Variants in RIT2 observed in about 807,000 individuals in gnomAD.
RIT2 encodes Ras like without CAAX 2.
RIT2 carries 24 observed loss-of-function variants against 23.7 expected under a neutral mutation model. That is an observed-to-expected ratio of 1.01 (90% CI 0.73 to 1.43). The LOEUF is 1.43. RIT2 is among the 40% of genes most tolerant of loss of function. The pLI is 0.00. For missense variants in RIT2, 236 were observed against 266.9 expected (o/e 0.88, Z 0.81); for synonymous variants, 107 against 91.1 (o/e 1.17, Z -0.99).
At chr18:42,789,331 T>C (rs1913990781) in intron 4 of RIT2, among the ~76,000 whole-genome samples, 1 of 152,194 alleles carries the variant, frequency 6.6e-6, no homozygotes, top group Non-Finnish European at 1.5e-5. Context: ...GAATCACTGG[T>C]CTAAGGTTAT....
intron 4 of RIT2, among the ~76,000 whole-genome samples, chr18:42,750,433 T>G (rs1913019193): frequency 6.6e-6 from 1 of 151,854 alleles, no homozygotes; most frequent in African/African-American, 2.4e-5. Context: ...CTGCTTTATA[T>G]GAAACTGCAA....
intron 4 of RIT2, among the ~76,000 whole-genome samples, chr18:42,846,920 A>T (rs748489995): frequency 2.1e-4 from 32 of 152,232 alleles, no homozygotes; most frequent in Non-Finnish European, 3.5e-4. Flanking sequence ...GAGTGTTAGA[A>T]CACTTGGTAT....
At chr18:42,813,972 G>C (rs1015762233) in intron 4 of RIT2, among the ~76,000 whole-genome samples, 18 of 152,208 alleles carry the variant, frequency 1.2e-4, no homozygotes, top group African/African-American at 4.3e-4. Context: ...TGAAGGTCTA[G>C]ATTATGGGAG....
At chr18:43,108,766 G>T (rs1035839831) in intron 1 of RIT2, among the ~76,000 whole-genome samples, 1 of 152,126 alleles carries the variant, frequency 6.6e-6, no homozygotes, top group African/African-American at 2.4e-5. Flanking sequence ...AGACCTCTTG[G>T]CTAATGCTTC....
intron 3 of RIT2, among the ~76,000 whole-genome samples, chr18:42,954,342 C>G (rs534919170): frequency 2.8e-4 from 41 of 146,876 alleles, no homozygotes; most frequent in African/African-American, 1.0e-3. Context: ...CTCCATTGCA[C>G]TCCAGCCTAG....
intron 1 of RIT2, among the ~76,000 whole-genome samples, chr18:43,046,774 C>T (rs1057396644): frequency 7.2e-5 from 11 of 152,150 alleles, no homozygotes; most frequent in Non-Finnish European, 1.3e-4. Context: ...ACCAAAACAA[C>T]ATACTTTAGT....
chr18:43,067,837 A>G (rs973430068), intron 1 of RIT2, among the ~76,000 whole-genome samples: 3 of 152,138 alleles, frequency 2.0e-5, no homozygotes, highest in Admixed American at 2.0e-4. Context: ...ACCGGAACCA[A>G]TCTTTCAGGT....
At chr18:43,088,720 C>G (rs1913346154) in intron 1 of RIT2, among the ~76,000 whole-genome samples, 2 of 152,088 alleles carry the variant, frequency 1.3e-5, no homozygotes, top group Admixed American at 6.6e-5. Flanking sequence ...TCATGGCCTC[C>G]ATTCCACTTT....
At chr18:43,042,672 G>A (rs868368723) in intron 1 of RIT2, among the ~76,000 whole-genome samples, 1 of 152,150 alleles carries the variant, frequency 6.6e-6, no homozygotes, top group South Asian at 2.1e-4. Context: ...GTATGTGTCA[G>A]ACGCTGTTTA....
intron 3 of RIT2, among the ~76,000 whole-genome samples, chr18:42,973,145 A>G (rs1053068298): frequency 2.0e-5 from 3 of 151,626 alleles, no homozygotes; most frequent in Non-Finnish European, 3.0e-5. Context: ...ATTTTTCTGT[A>G]CCATTTGTCT....
At chr18:42,797,692 T>C (rs1444713949) in intron 4 of RIT2, among the ~76,000 whole-genome samples, 2 of 152,186 alleles carry the variant, frequency 1.3e-5, no homozygotes, top group Non-Finnish European at 2.9e-5. Context: ...TTTCAAAATA[T>C]GTTTTCCTCA....
intron 4 of RIT2, among the ~76,000 whole-genome samples, chr18:42,763,093 G>A (rs965232029): frequency 3.3e-5 from 5 of 152,116 alleles, no homozygotes; most frequent in African/African-American, 1.2e-4. Flanking sequence ...AATACTGTGG[G>A]CAATTGTAGC....
intron 4 of RIT2, among the ~76,000 whole-genome samples, chr18:42,912,578 G>T (rs1908798892): frequency 6.6e-6 from 1 of 151,838 alleles, no homozygotes; most frequent in Non-Finnish European, 1.5e-5. Flanking sequence ...GTTCAGTAAG[G>T]TTAAAAAATA....
chr18:42,803,415 T>G (rs1453883495), intron 4 of RIT2, among the ~76,000 whole-genome samples: 2 of 152,210 alleles, frequency 1.3e-5, no homozygotes, highest in African/African-American at 4.8e-5. Flanking sequence ...TGATATTGTT[T>G]GTCACTGAAT....
intron 1 of RIT2, among the ~76,000 whole-genome samples, chr18:43,106,605 T>A (rs916711573): frequency 2.6e-5 from 4 of 152,190 alleles, no homozygotes; most frequent in Admixed American, 1.3e-4. Context: ...CAATGCAACA[T>A]CTCCAGGGAG....
At chr18:43,092,615 A>G (rs1913449882) in intron 1 of RIT2, among the ~76,000 whole-genome samples, 1 of 152,194 alleles carries the variant, frequency 6.6e-6, no homozygotes, top group South Asian at 2.1e-4. Flanking sequence ...TCAAAAACCA[A>G]TGTGATTACA....
intron 4 of RIT2, among the ~76,000 whole-genome samples, chr18:42,869,397 G>A (rs1907557745): frequency 6.6e-6 from 1 of 152,214 alleles, no homozygotes; most frequent in Admixed American, 6.5e-5. Context: ...CCACGGATCA[G>A]TACAGGTCCA....
intron 4 of RIT2, among the ~76,000 whole-genome samples, chr18:42,775,355 G>A (rs1486826327): frequency 6.6e-6 from 1 of 152,132 alleles, no homozygotes; most frequent in East Asian, 1.9e-4. Context: ...AATCAACTAT[G>A]TGTCCAGAAG....
intron 1 of RIT2, among the ~76,000 whole-genome samples, chr18:43,088,679 T>C (rs77191114): frequency 0.021 from 3,210 of 152,280 alleles, 51 homozygotes; most frequent in Non-Finnish European, 0.035. Flanking sequence ...ATGAACATAG[T>C]GCATTTGGTC....
Sources: allele counts gnomAD v4.1 joint callset (sites outside exome capture counted in the v4.1 genomes callset), GRCh38; gene constraint gnomAD v4.1.1; transcripts MANE v1.5; gene names NCBI Gene and HGNC (gene_info 2026-07-23, HGNC 2026-07-21).